The following TMEFF2 variants were observed in gnomAD, a reference collection of about 807,000 sequenced individuals.
TMEFF2 encodes the protein transmembrane protein with EGF like and two follistatin like domains 2, also known as tomoregulin-2.
TMEFF2 carries 28 observed loss-of-function variants against 53.8 expected under a neutral mutation model. That is an observed-to-expected ratio of 0.52 (90% CI 0.39 to 0.71). TMEFF2 has a LOEUF of 0.71. TMEFF2 is among the 30% of genes least tolerant of loss of function. The pLI, the probability that TMEFF2 is intolerant of heterozygous loss-of-function variation, is 0.00. For missense variants in TMEFF2, 353 were observed against 455.2 expected (o/e 0.78, Z 2.04); for synonymous variants, 162 against 166.3 (o/e 0.97, Z 0.20).
chr2:192,148,926 G>T (rs1418381857), intron 4 of TMEFF2, among the ~76,000 whole-genome samples: 1 of 151,916 alleles, frequency 6.6e-6, no homozygotes. Flanking sequence ...TTAAACAAAT[G>T]TATTTTTAGA....
intron 2 of TMEFF2, among the ~76,000 whole-genome samples, chr2:192,185,618 C>T (rs1021248143): frequency 8.1e-4 from 123 of 151,920 alleles, no homozygotes; most frequent in Non-Finnish European, 4.0e-4. Context: ...ACCTAAAACC[C>T]TATCATAAAT....
At position 192,130,537 on chromosome 2, in the gene TMEFF2, C is replaced by T. The variant is rs1235832940; in HGVS notation, c.439+49131G>A. Among the ~76,000 whole-genome samples the T allele has an allele frequency of 2.6e-5, 4 of 152,214 alleles. No individual in the cohort carries two copies. In the South Asian group the frequency reaches 6.2e-4, roughly 24 times the overall value. ...GACACTCCACCATTGTGATTTGTTCCTGCCCCACCTTAACTGAGCGATTAA... is the reference window on the plus strand; with the variant it reads ...GACACTCCACCATTGTGATTTGTTCTTGCCCCACCTTAACTGAGCGATTAA... On this transcript the variant is annotated intron_variant, in intron 4 of 9. Coordinates refer to ENST00000272771, the MANE Select transcript of TMEFF2 (RefSeq NM_016192.4).
rs777763859 is a variant in TMEFF2, at chr2:192,150,492, T to A, written c.439+29176A>T. Among the ~76,000 whole-genome samples the A allele has an allele frequency of 5.9e-4, 89 of 151,834 alleles. 1 individual carries two copies. Among genetic ancestry groups the A allele is most frequent in the Non-Finnish European group, 1.3e-4 (9 of 67,888 alleles). ...AAGGAACAGAAACTAAAATCAGGGATGTTTTTGGTGGATGCTTTAGTGCAC... is the reference window on the plus strand; with the variant it reads ...AAGGAACAGAAACTAAAATCAGGGAAGTTTTTGGTGGATGCTTTAGTGCAC... On this transcript the variant is annotated intron_variant, in intron 4 of 9. Coordinates refer to ENST00000272771, the MANE Select transcript of TMEFF2 (RefSeq NM_016192.4).
chr2:192,045,437 T>A (rs1687592132), intron 5 of TMEFF2, among the ~76,000 whole-genome samples: 1 of 152,116 alleles, frequency 6.6e-6, no homozygotes, highest in Admixed American at 6.5e-5. Context: ...TCTCTCTCAA[T>A]GGGCAAAAAA....
intron 4 of TMEFF2, among the ~76,000 whole-genome samples, chr2:192,061,333 A>C (rs891192136): frequency 1.3e-5 from 2 of 152,210 alleles, no homozygotes; most frequent in African/African-American, 4.8e-5. Context: ...AAATTCAGCC[A>C]ATCTTGAATC....
At chr2:191,974,187 GAA>G (rs1360186972) in intron 7 of TMEFF2, among the ~76,000 whole-genome samples, 1 of 152,164 alleles carries the variant, frequency 6.6e-6, no homozygotes, top group Non-Finnish European at 1.5e-5. Flanking sequence ...GAAGAAAAAT[GAA>G]AGAGTCAGTC....
At chr2:191,954,198 T>C (rs780979174) in intron 8 of TMEFF2, among the ~76,000 whole-genome samples, 3 of 152,164 alleles carry the variant, frequency 2.0e-5, no homozygotes, top group Non-Finnish European at 4.4e-5. Context: ...GCATTCATTT[T>C]TATAGTTGAT....
Position 192,063,164 on chromosome 2 carries a change from T to C in TMEFF2, c.440-5389A>G, listed in dbSNP as rs1382921154. Among the ~76,000 whole-genome samples, 3 of 151,948 alleles carry C rather than the reference T, an allele frequency of 2.0e-5. No homozygotes were observed. The East Asian group carries it at 5.8e-4, about 29-fold the overall frequency. ...ATGCTTGACTTTATGCCTTGTTTTC[T>C]CATATAGGTATTAAAATGTATAAAT... On this transcript the variant is annotated intron_variant, in intron 4 of 9. Transcript: ENST00000272771.
rs1429462598 is a variant in TMEFF2, at chr2:192,069,943, G to A, written c.440-12168C>T. ...TAATTGGAAATTAATCAATTTCCCTGTTTTTTCTAGATTTAGAAAAATGTG... is the reference window on the plus strand; with the variant it reads ...TAATTGGAAATTAATCAATTTCCCTATTTTTTCTAGATTTAGAAAAATGTG... On this transcript the variant is annotated intron_variant, in intron 4 of 9. Coordinates refer to ENST00000272771, the MANE Select transcript of TMEFF2 (RefSeq NM_016192.4). Among the ~76,000 whole-genome samples, 5 of 98,394 alleles carry A rather than the reference G, an allele frequency of 5.1e-5. No individual in the cohort carries two copies. The East Asian group carries it at 1.6e-3, about 32-fold the overall frequency. The allele number at this position is 98,394 out of a possible 152,430, so 64.6% of individuals were successfully genotyped here.
chr2:191,950,378 C>T lies in TMEFF2; in HGVS notation c.1058G>A (p.Arg353Lys), dbSNP rs1348591662. ...GTAGTGCCCTGTATTTTGCTTCTGT[C>T]TGTGAATTCTGTTGCTTCTGGGGCA... The part of the protein sequence containing the change: ...RKCPRSNRIH[R>K]QKQNTGHYSS... Residue 353 changes from arginine to lysine, a missense_variant, in exon 10 of 10, where the codon AGA becomes AAA. This residue lies in a region of TMEFF2 where 294 missense variants were observed against 397.3 expected (regional missense o/e 0.74). Coordinates refer to ENST00000272771, the MANE Select transcript of TMEFF2 (RefSeq NM_016192.4). 7.4e-6 allele frequency: 12 copies of T among 1,613,774 alleles called. No homozygotes were observed. Among genetic ancestry groups the T allele is most frequent in the African/African-American group, 1.3e-5 (1 of 74,854 alleles).
At chr2:192,131,812 C>T (rs1443377523) in intron 4 of TMEFF2, among the ~76,000 whole-genome samples, 5 of 152,110 alleles carry the variant, frequency 3.3e-5, no homozygotes, top group Admixed American at 1.3e-4. Context: ...TGTGCAATGC[C>T]GCTTGACCCC....
At chr2:192,048,822 C>T (rs538336043) in intron 5 of TMEFF2, among the ~76,000 whole-genome samples, 6 of 152,186 alleles carry the variant, frequency 3.9e-5, no homozygotes. Flanking sequence ...ATTGAAGCAG[C>T]TAAAAAAACC....
At chr2:191,959,346 A>G (rs1316371897) in intron 7 of TMEFF2, among the ~76,000 whole-genome samples, 1 of 152,124 alleles carries the variant, frequency 6.6e-6, no homozygotes, top group East Asian at 1.9e-4. Flanking sequence ...ATTCTGATAC[A>G]ATCTGAGTTA....
chr2:192,028,171 C>A (rs1687020353), intron 5 of TMEFF2, among the ~76,000 whole-genome samples: 1 of 151,896 alleles, frequency 6.6e-6, no homozygotes, highest in Admixed American at 6.6e-5. Context: ...TTGCCTGCTA[C>A]CATGCATGTA....
At chr2:192,075,300 T>TAAATATAA (rs1559114998) in intron 4 of TMEFF2, among the ~76,000 whole-genome samples, 1 of 40,116 alleles carries the variant, frequency 2.5e-5, no homozygotes, top group South Asian at 6.4e-4. Flanking sequence ...TATATATATA[T>TAAATATAA]ATATATATAT....
intron 5 of TMEFF2, among the ~76,000 whole-genome samples, chr2:192,039,635 C>A (rs1198282456): frequency 6.6e-6 from 1 of 152,148 alleles, no homozygotes; most frequent in South Asian, 2.1e-4. Flanking sequence ...CCCAACTGTT[C>A]ATAAAGTAGT....
chr2:192,058,909 A>G (rs1193342947), intron 4 of TMEFF2, among the ~76,000 whole-genome samples: 2 of 152,160 alleles, frequency 1.3e-5, no homozygotes, highest in African/African-American at 4.8e-5. Context: ...ATTAACATGC[A>G]CCTTGAACCT....
At chr2:191,975,352 A>G (rs2105808767) in intron 7 of TMEFF2, among the ~76,000 whole-genome samples, 1 of 88,958 alleles carries the variant, frequency 1.1e-5, no homozygotes, top group African/African-American at 2.8e-5. Flanking sequence ...GATTTGTTAT[A>G]TCAGAGCCTT....
intron 9 of TMEFF2, among the ~76,000 whole-genome samples, chr2:191,951,391 A>C (rs1691876525): frequency 6.6e-6 from 1 of 152,096 alleles, no homozygotes; most frequent in Non-Finnish European, 1.5e-5. Flanking sequence ...GGAGGAGGGC[A>C]GGTGTTTGGC....
Sources: gnomAD v4.1 joint callset for allele counts (sites outside exome capture counted in the v4.1 genomes callset) on GRCh38, gnomAD v4.1.1 for gene constraint, gnomAD v4.1.1 regional missense constraint, MANE v1.5 for transcripts, NCBI Gene and HGNC (gene_info 2026-07-23, HGNC 2026-07-21) for gene names.